COL19A1: variants seen among roughly 807,000 people sequenced by gnomAD.
The protein encoded by COL19A1 is collagen alpha-1(XIX) chain.
In COL19A1, 159 loss-of-function variants were observed where a neutral mutation model predicts 190.2. The ratio of observed to expected loss-of-function variants is 0.84; its 90% CI spans 0.73 to 0.95. COL19A1 has a LOEUF of 0.95. Ranked by LOEUF, COL19A1 falls within the 40% of genes least tolerant of loss-of-function variation. The probability of loss-of-function intolerance (pLI) is 0.00; values close to 1 mark genes in which losing one functional copy is unlikely to be tolerated. For missense variants in COL19A1, 1,418 were observed against 1,431.9 expected, an observed-to-expected ratio of 0.99 and a Z score of 0.16; for synonymous variants, 509 against 458.9, an observed-to-expected ratio of 1.11 and a Z score of -1.39.
intron 11 of COL19A1, among the ~76,000 whole-genome samples, chr6:69,971,226 G>A (rs1775403966): frequency 1.3e-5 from 2 of 152,154 alleles, no homozygotes; most frequent in Non-Finnish European, 2.9e-5. Context: ...TTATTTTAAT[G>A]ATTGCATAAT....
intron 11 of COL19A1, among the ~76,000 whole-genome samples, chr6:70,022,664 T>C (rs1241376493): frequency 1.3e-5 from 2 of 152,226 alleles, no homozygotes; most frequent in African/African-American, 4.8e-5. Context: ...CATTTGTAAC[T>C]TTAATAGAAA....
At chr6:70,113,647 C>T (rs897764349) in intron 16 of COL19A1, among the ~76,000 whole-genome samples, 3 of 152,106 alleles carry the variant, frequency 2.0e-5, no homozygotes, top group Non-Finnish European at 4.4e-5. Context: ...ATTTAAGATG[C>T]TGGTTGAGAT....
chr6:69,915,380 C>T (rs1771222466), intron 4 of COL19A1, among the ~76,000 whole-genome samples: 1 of 152,104 alleles, frequency 6.6e-6, no homozygotes. Flanking sequence ...CTGCTTTTCC[C>T]CAACTTTGTC....
intron 14 of COL19A1, among the ~76,000 whole-genome samples, chr6:70,055,664 C>A (rs1291142061): frequency 6.6e-6 from 1 of 151,542 alleles, no homozygotes; most frequent in Non-Finnish European, 1.5e-5. Flanking sequence ...TTCCTATAAT[C>A]CCAGCTATGC....
intron 9 of COL19A1, among the ~76,000 whole-genome samples, chr6:69,951,887 A>G (rs775075749): frequency 6.6e-6 from 1 of 151,888 alleles, no homozygotes; most frequent in Admixed American, 6.6e-5. Flanking sequence ...ACCTCTATCC[A>G]TGGAAATCCA....
At chr6:69,882,270 T>A (rs916278029) in intron 2 of COL19A1, among the ~76,000 whole-genome samples, 24 of 152,300 alleles carry the variant, frequency 1.6e-4, no homozygotes, top group African/African-American at 5.8e-4. Context: ...TTGAAGGTAT[T>A]AGGAATTCAG....
intron 11 of COL19A1, among the ~76,000 whole-genome samples, chr6:69,975,607 G>T (rs1056281404): frequency 6.6e-6 from 1 of 152,202 alleles, no homozygotes; most frequent in Non-Finnish European, 1.5e-5. Context: ...TTATTCTGGG[G>T]ATTTAAGCCT....
At chr6:70,192,072 G>T (rs1171760192) in intron 48 of COL19A1, among the ~76,000 whole-genome samples, 1 of 151,900 alleles carries the variant, frequency 6.6e-6, no homozygotes, top group African/African-American at 2.4e-5. Flanking sequence ...TTGGTTGGTT[G>T]GTTGGTTTCT....
At position 70,010,695 on chromosome 6, in the gene COL19A1, G is replaced by A. The variant is rs1316097462; in HGVS notation, c.1027-12932G>A. Among the ~76,000 whole-genome samples the A allele has an allele frequency of 1.5e-5, 2 of 136,922 alleles. 1 individual carries two copies. Among genetic ancestry groups the A allele is most frequent in the African/African-American group, 6.2e-5 (2 of 32,142 alleles). The allele number at this position is 136,922 out of a possible 152,430, so 89.8% of individuals were successfully genotyped here. A position where few individuals can be genotyped will look rare whatever the true frequency, so the allele number is the denominator to read the frequency against. ...ACCACGAGACTATATCCCACACCTG[G>A]CTCGGAGGGTCCTACACCCACGGAA... On this transcript the variant is annotated intron_variant, in intron 11 of 50. Transcript: ENST00000620364.
chr6:70,206,625 A>T (rs1315212024), intron 49 of COL19A1, among the ~76,000 whole-genome samples: 7 of 109,324 alleles, frequency 6.4e-5, no homozygotes, highest in Non-Finnish European at 1.1e-4. Context: ...ACAGAGCAGG[A>T]CTCTGTCTCA....
chr6:70,007,040 A>G (rs966520659), intron 11 of COL19A1, among the ~76,000 whole-genome samples: 3 of 152,176 alleles, frequency 2.0e-5, no homozygotes, highest in African/African-American at 7.2e-5. Context: ...GATTACACTT[A>G]TAGAAATAAC....
chr6:70,168,259 C>T, intron 39 of COL19A1, 44 bp downstream of exon 39: 1 of 1,588,666 alleles, frequency 6.3e-7, no homozygotes, highest in East Asian at 2.2e-5. Context: ...AGCTGAACAA[C>T]CACAATGAAA....
At chr6:69,905,650 C>A (rs1412112504) in intron 4 of COL19A1, among the ~76,000 whole-genome samples, 1 of 152,194 alleles carries the variant, frequency 6.6e-6, no homozygotes, top group East Asian at 1.9e-4. Context: ...AGGAGTTATA[C>A]GCCTGTGCTC....
At chr6:69,998,496 A>T (rs1777056936) in intron 11 of COL19A1, among the ~76,000 whole-genome samples, 1 of 151,906 alleles carries the variant, frequency 6.6e-6, no homozygotes, top group Admixed American at 6.6e-5. Context: ...TTTTAAAAAA[A>T]CTAACCGAGC....
chr6:70,156,948 A>G (rs1787476064), intron 34 of COL19A1, among the ~76,000 whole-genome samples: 1 of 152,128 alleles, frequency 6.6e-6, no homozygotes, highest in Admixed American at 6.6e-5. Flanking sequence ...CAAAGTTAAT[A>G]TGTCAGTTAT....
At position 70,136,281 on chromosome 6, in the gene COL19A1, G is replaced by C. The variant is rs532175165; in HGVS notation, c.1384-1404G>C. On this transcript the variant is annotated intron_variant, in intron 18 of 50. Transcript: ENST00000620364. ...TTTATACTTGAAGCACTTTTTGGTAGCTGTTTGAGGCTTCAAAATGAACAA... is the reference window on the plus strand; with the variant it reads ...TTTATACTTGAAGCACTTTTTGGTACCTGTTTGAGGCTTCAAAATGAACAA... Among the ~76,000 whole-genome samples, 5 of 152,234 alleles carry C rather than the reference G, an allele frequency of 3.3e-5. No individual in the cohort carries two copies. In the East Asian group the frequency reaches 7.7e-4, roughly 23 times the overall value.
rs1268033036 is a variant in COL19A1, at chr6:70,068,474, A to G, written c.1222A>G (p.Arg408Gly). ...AGGTCCACCTGGAAAAGAGGGTCAGAGGGTAAGTAAAGCTGGAACAACTGG... is the reference window on the plus strand; with the variant it reads ...AGGTCCACCTGGAAAAGAGGGTCAGGGGGTAAGTAAAGCTGGAACAACTGG... ...PQGPPGKEGQ[R>G]GRRGKTGPPG... The change falls in exon 15 of 51, where the codon AGG becomes GGG. Residue 408 changes from arginine (R) to glycine (G), a missense_variant and splice_region_variant. Arg to Gly is a moderately radical substitution (Grantham distance 125). Coordinates refer to ENST00000620364, the MANE Select transcript of COL19A1 (RefSeq NM_001858.6). 6.3e-7 allele frequency: 1 copy of G among 1,592,360 alleles called. No individual in the cohort carries two copies. The highest frequency in any genetic ancestry group is 1.1e-5 in the South Asian group (1 of 89,878).
intron 19 of COL19A1, among the ~76,000 whole-genome samples, 171 bp downstream of exon 19, chr6:70,137,918 T>C (rs1785973879): frequency 6.6e-6 from 1 of 152,208 alleles, no homozygotes; most frequent in African/African-American, 2.4e-5. Flanking sequence ...CTCTTACATG[T>C]ATTTACACAC....
At chr6:70,103,760 C>G (rs1396672182) in intron 16 of COL19A1, among the ~76,000 whole-genome samples, 2 of 152,206 alleles carry the variant, frequency 1.3e-5, no homozygotes, top group Non-Finnish European at 2.9e-5. Flanking sequence ...GTATCTTACA[C>G]CTCGGACAGA....
Sources: gnomAD v4.1 joint callset for allele counts (sites outside exome capture counted in the v4.1 genomes callset) on GRCh38, gnomAD v4.1.1 for gene constraint, MANE v1.5 for transcripts, NCBI Gene and HGNC (gene_info 2026-07-23, HGNC 2026-07-21) for gene names.